The following R3HCC1L variants were observed in gnomAD, a reference collection of about 807,000 sequenced individuals.
R3HCC1L encodes R3H domain and coiled-coil containing 1 like.
In R3HCC1L, 51 loss-of-function variants were observed where a neutral mutation model predicts 59.9. The ratio of observed to expected loss-of-function variants is 0.85; its 90% CI spans 0.68 to 1.07. The LOEUF is 1.07. R3HCC1L is among the 50% of genes least tolerant of loss of function. The probability of loss-of-function intolerance (pLI) is 0.00; values close to 1 mark genes in which losing one functional copy is unlikely to be tolerated. For synonymous variants in R3HCC1L, 322 were observed against 315.2 expected, an observed-to-expected ratio of 1.02 and a Z score of -0.23; for missense variants, 965 against 933.0, an observed-to-expected ratio of 1.03 and a Z score of -0.45.
intron 4 of R3HCC1L, among the ~76,000 whole-genome samples, chr10:98,190,644 A>G (rs1180994285): frequency 1.3e-5 from 2 of 152,154 alleles, no homozygotes; most frequent in Admixed American, 6.6e-5. Flanking sequence ...ATTAAGGGTA[A>G]GTATTTTATG....
At chr10:98,158,054 T>TA (rs1330776317) in intron 2 of R3HCC1L, among the ~76,000 whole-genome samples, 1 of 152,216 alleles carries the variant, frequency 6.6e-6, no homozygotes, top group East Asian at 1.9e-4. Context: ...ACAAAAATGT[T>TA]ACGTCTGTAT....
intron 1 of R3HCC1L, among the ~76,000 whole-genome samples, chr10:98,154,182 C>CAAAAAAAAAAAAAA (rs61379048): frequency 1.1e-5 from 1 of 92,832 alleles, no homozygotes; most frequent in East Asian, 3.2e-4. Flanking sequence ...AGAGAATAAG[C>CAAAAAAAAAAAAAA]AAAAAAAAAA....
At chr10:98,243,723 G>A (rs60340704) in intron 9 of R3HCC1L, among the ~76,000 whole-genome samples, 3,768 of 152,226 alleles carry the variant, frequency 0.025, 147 homozygotes, top group African/African-American at 0.081. Context: ...TGAAATATTT[G>A]TAAAGATCAG....
chr10:98,231,894 C>T (rs1420293043), intron 6 of R3HCC1L, among the ~76,000 whole-genome samples: 2 of 152,136 alleles, frequency 1.3e-5, no homozygotes, highest in Non-Finnish European at 2.9e-5. Flanking sequence ...GCCTTTCTAG[C>T]CCCCATTTTA....
intron 9 of R3HCC1L, among the ~76,000 whole-genome samples, chr10:98,240,692 T>C (rs1857433483): frequency 6.6e-6 from 1 of 152,266 alleles, no homozygotes; most frequent in African/African-American, 2.4e-5. Flanking sequence ...CTTTCCATTA[T>C]TCTGCCTTAA....
intron 4 of R3HCC1L, among the ~76,000 whole-genome samples, chr10:98,179,071 T>C (rs1849351851): frequency 6.6e-6 from 1 of 152,210 alleles, no homozygotes; most frequent in Non-Finnish European, 1.5e-5. Context: ...TCTTGCCTAA[T>C]TGCCCTGGCC....
chr10:98,224,032 G>A (rs1013585571), intron 5 of R3HCC1L, among the ~76,000 whole-genome samples: 2 of 152,070 alleles, frequency 1.3e-5, no homozygotes, highest in African/African-American at 4.8e-5. Context: ...CAGGCTCCCT[G>A]ATGTTGCACT....
rs556769008 is a variant in R3HCC1L at position 98,175,201 on chromosome 10, G to C, written c.-15+11804G>C. On this transcript the variant is annotated intron_variant, in intron 4 of 9. Transcript: ENST00000298999. Reference sequence around the variant, plus strand: ...CAGATAACTTCATTAAGGCTATACTGATTATTTCCTGGCTACTAGACAGGC... The same window carrying C: ...CAGATAACTTCATTAAGGCTATACTCATTATTTCCTGGCTACTAGACAGGC... 3.3e-5 allele frequency among the ~76,000 whole-genome samples: 5 copies of C among 152,276 alleles called. No homozygotes were observed. The East Asian group carries it at 5.8e-4, about 18-fold the overall frequency.
At chr10:98,209,963 T>C in intron 5 of R3HCC1L, 64 bp downstream of exon 5, 1 of 1,334,758 alleles carries the variant, frequency 7.5e-7, no homozygotes, top group East Asian at 2.3e-5. Flanking sequence ...AGTGGTAATT[T>C]TGATAGACAG....
Position 98,209,420 on chromosome 10 carries a change from G to A in R3HCC1L, c.1306G>A (p.Asp436Asn). The change falls in exon 5 of 10, where the codon GAT (aspartate) becomes AAT (asparagine). Residue 436 changes from aspartate to asparagine, a missense_variant. Physicochemically the swap from Asp to Asn is conservative, Grantham distance 23. Transcript: ENST00000298999. ...HVARSGNDTE[D>N]FSNPSACSDI... ...AGCTAGAAGTGGGAATGACACTGAA[G>A]ATTTCAGCAACCCTTCTGCTTGCTC... 6.2e-7 allele frequency: 1 copy of A among 1,613,640 alleles called. No homozygotes were observed. Among genetic ancestry groups the A allele is most frequent in the Non-Finnish European group, 8.5e-7 (1 of 1,179,982 alleles).
intron 5 of R3HCC1L, among the ~76,000 whole-genome samples, chr10:98,215,464 G>T (rs977593434): frequency 3.3e-5 from 5 of 152,106 alleles, no homozygotes; most frequent in Admixed American, 1.3e-4. Context: ...AATTGGTTAA[G>T]ATTTTCCTAA....
chr10:98,152,831 CG>C (rs1313010775), intron 1 of R3HCC1L, among the ~76,000 whole-genome samples: 8 of 150,848 alleles, frequency 5.3e-5, no homozygotes, highest in African/African-American at 1.2e-4. Flanking sequence ...CCCCTCCACC[CG>C]GCAGCCGCCC....
At chr10:98,177,649 A>C (rs914869003) in intron 4 of R3HCC1L, among the ~76,000 whole-genome samples, 3 of 152,190 alleles carry the variant, frequency 2.0e-5, no homozygotes, top group Admixed American at 6.5e-5. Flanking sequence ...TCCCACTAAC[A>C]GTGTAGAAGT....
At chr10:98,156,650 A>G in intron 2 of R3HCC1L, among the ~76,000 whole-genome samples, 1 of 152,224 alleles carries the variant, frequency 6.6e-6, no homozygotes, top group Non-Finnish European at 1.5e-5. Context: ...GCAGAAGCAG[A>G]TTAACATAAT....
At position 98,244,246 on chromosome 10, in the gene R3HCC1L, C is replaced by A; in HGVS notation, c.*88C>A. On this transcript the variant is annotated 3_prime_UTR_variant, in exon 10 of 10. Coordinates refer to ENST00000298999, the MANE Select transcript of R3HCC1L (RefSeq NM_001351015.2). ...GATGATCCTTCCAGAGCTCTATGTACATGCAGATGTGCATGTTAAAGAGAT... is the reference window on the plus strand; with the variant it reads ...GATGATCCTTCCAGAGCTCTATGTAAATGCAGATGTGCATGTTAAAGAGAT... The A allele has an allele frequency of 7.9e-7, 1 of 1,265,140 alleles. No homozygotes were observed. The highest frequency in any genetic ancestry group is 1.1e-6 in the Non-Finnish European group (1 of 873,544). 78.4% of individuals were successfully genotyped at this position (1,265,140 alleles called of 1,614,324 possible).
chr10:98,174,059 C>G (rs1473744851), intron 4 of R3HCC1L, among the ~76,000 whole-genome samples: 1 of 152,102 alleles, frequency 6.6e-6, no homozygotes, highest in East Asian at 1.9e-4. Context: ...TTTATGTTTG[C>G]TATACTTGTA....
At chr10:98,227,188 C>T (rs1003135526) in intron 5 of R3HCC1L, among the ~76,000 whole-genome samples, 3 of 152,174 alleles carry the variant, frequency 2.0e-5, no homozygotes, top group African/African-American at 7.2e-5. Context: ...TAAGCACTTA[C>T]CATATCATCT....
At chr10:98,193,148 G>T (rs1258882391) in intron 4 of R3HCC1L, among the ~76,000 whole-genome samples, 1 of 152,080 alleles carries the variant, frequency 6.6e-6, no homozygotes, top group Non-Finnish European at 1.5e-5. Context: ...AAGGTAATAT[G>T]TGAAAAACTC....
At chr10:98,228,994 G>A (rs571383880) in intron 5 of R3HCC1L, among the ~76,000 whole-genome samples, 2 of 152,230 alleles carry the variant, frequency 1.3e-5, no homozygotes, top group South Asian at 2.1e-4. Context: ...TAGCCTTGTA[G>A]TATAGTTTGA....
Sources: allele counts gnomAD v4.1 joint callset (sites outside exome capture counted in the v4.1 genomes callset), GRCh38; gene constraint gnomAD v4.1.1; transcripts MANE v1.5; gene names NCBI Gene and HGNC (gene_info 2026-07-23, HGNC 2026-07-21).